CDKL3: variants seen among roughly 807,000 people sequenced by gnomAD.
The protein encoded by CDKL3 is cyclin dependent kinase like 3.
A neutral mutation model predicts 69.3 loss-of-function variants in CDKL3; 65 were observed. The ratio of observed to expected loss-of-function variants is 0.94; its 90% CI spans 0.77 to 1.15. CDKL3 has a LOEUF of 1.15. CDKL3 is among the 50% of genes most tolerant of loss of function. The probability of loss-of-function intolerance (pLI) is 0.00; values close to 1 mark genes in which losing one functional copy is unlikely to be tolerated. For synonymous variants in CDKL3, 202 were observed against 221.6 expected (o/e 0.91, Z 0.79); for missense variants, 652 against 689.2 (o/e 0.95, Z 0.61).
downstream of CDKL3, among the ~76,000 whole-genome samples, chr5:134,297,968 T>G (rs1168988936): frequency 6.9e-6 from 1 of 145,618 alleles, no homozygotes; most frequent in Admixed American, 7.1e-5. Flanking sequence ...AGCCTCACTC[T>G]TATCTCCCAG....
intron 5 of CDKL3, among the ~76,000 whole-genome samples, chr5:134,320,658 G>A (rs936502563): frequency 6.6e-6 from 1 of 151,836 alleles, no homozygotes; most frequent in Non-Finnish European, 1.5e-5. Context: ...GGTGGATCAC[G>A]AGGTCAGGAA....
At chr5:134,371,581 G>A (rs1758418308), upstream of CDKL3, 1 of 1,612,272 alleles carries the variant, frequency 6.2e-7, no homozygotes, top group Non-Finnish European at 8.5e-7. Flanking sequence ...ACTGACCGCG[G>A]GGCAGCTGCG....
At chr5:134,308,818 C>A in intron 7 of CDKL3, 91 bp from the exon 8 acceptor site, 1 of 1,081,750 alleles carries the variant, frequency 9.2e-7, no homozygotes, top group African/African-American at 1.6e-5. Flanking sequence ...AATTAATGTA[C>A]ATTTCAGCTA....
rs376318750 is a variant in CDKL3 at position 134,354,959 on chromosome 5, T to C, written c.361-4532A>G. Among the ~76,000 whole-genome samples the C allele has an allele frequency of 1.0e-4, 13 of 124,698 alleles. No homozygotes were observed. In the East Asian group the frequency reaches 1.2e-3, roughly 11 times the overall value. 81.8% of individuals were successfully genotyped at this position (124,698 alleles called of 152,430 possible). A position where few individuals can be genotyped will look rare whatever the true frequency, so the allele number is the denominator to read the frequency against. ...AGACTCCGTCTCAAAAAAAAAAAAA[T>C]AGATACCACTTCAGGCTGGGCATGA... On this transcript the variant is annotated intron_variant, in intron 3 of 12. Coordinates refer to ENST00000265334, the MANE Select transcript of CDKL3 (RefSeq NM_001113575.2).
chr5:134,365,677 TA>T (rs966685238), intron 2 of CDKL3, among the ~76,000 whole-genome samples: 1 of 152,212 alleles, frequency 6.6e-6, no homozygotes, highest in Non-Finnish European at 1.5e-5. Context: ...CTCCTTAGCC[TA>T]AAAGACTTTA....
At chr5:134,323,246 T>G (rs1038238791) in intron 4 of CDKL3, among the ~76,000 whole-genome samples, 6 of 152,194 alleles carry the variant, frequency 3.9e-5, no homozygotes, top group African/African-American at 9.6e-5. Flanking sequence ...CACACATATG[T>G]AAATTAGCCA....
At chr5:134,283,499 C>A (rs1412245343), downstream of CDKL3, among the ~76,000 whole-genome samples, 4 of 152,102 alleles carry the variant, frequency 2.6e-5, no homozygotes, top group African/African-American at 9.7e-5. Context: ...CTTGTAATAA[C>A]CATCAGATCT....
chr5:134,293,515 C>T (rs1327308538), downstream of CDKL3, among the ~76,000 whole-genome samples: 2 of 152,034 alleles, frequency 1.3e-5, no homozygotes, highest in East Asian at 3.9e-4. Context: ...AATATAGATG[C>T]CAAAATCCTT....
At chr5:134,294,955 G>T (rs910380181), downstream of CDKL3, among the ~76,000 whole-genome samples, 2 of 148,080 alleles carry the variant, frequency 1.4e-5, no homozygotes, top group Non-Finnish European at 3.0e-5. Flanking sequence ...AATTAGAGAA[G>T]ATCTAAATAA....
chr5:134,297,241 C>T (rs1175437162), downstream of CDKL3, among the ~76,000 whole-genome samples: 2 of 151,960 alleles, frequency 1.3e-5, no homozygotes, highest in African/African-American at 2.4e-5. Context: ...CGTGAGCCAC[C>T]GTGCCCAGCA....
chr5:134,342,108 T>C (rs955829896), intron 4 of CDKL3, among the ~76,000 whole-genome samples: 8 of 152,118 alleles, frequency 5.3e-5, no homozygotes, highest in African/African-American at 1.9e-4. Context: ...GGGTATTTAC[T>C]CCAGACAATG....
At chr5:134,363,957 TAAAAA>T (rs1206131261) in intron 2 of CDKL3, among the ~76,000 whole-genome samples, 3 of 96,438 alleles carry the variant, frequency 3.1e-5, no homozygotes, top group South Asian at 6.4e-4. Context: ...CTCCATTTCT[TAAAAA>T]AAAAAAAAAA....
chr5:134,351,596 A>G (rs1045652074), intron 3 of CDKL3, among the ~76,000 whole-genome samples: 1 of 142,494 alleles, frequency 7.0e-6, no homozygotes, highest in Non-Finnish European at 1.6e-5. Context: ...CTGTAGTCCT[A>G]CAGCCTACAG....
intron 7 of CDKL3, among the ~76,000 whole-genome samples, chr5:134,312,013 C>T (rs570459074): frequency 3.3e-5 from 5 of 152,150 alleles, no homozygotes; most frequent in South Asian, 2.1e-4. Context: ...CCAGGCCGGT[C>T]GTGAACTCCA....
intron 4 of CDKL3, among the ~76,000 whole-genome samples, chr5:134,345,542 C>T (rs899376694): frequency 9.9e-5 from 15 of 152,072 alleles, no homozygotes; most frequent in African/African-American, 3.4e-4. Context: ...TAGGTGCAGG[C>T]GGGCTGAGTC....
intron 2 of CDKL3, among the ~76,000 whole-genome samples, chr5:134,365,449 A>G (rs765829078): frequency 1.1e-4 from 16 of 151,886 alleles, no homozygotes; most frequent in Non-Finnish European, 1.8e-4. Flanking sequence ...TTTTTACAAT[A>G]CAGCATGTTC....
At chr5:134,290,228 C>T (rs1765065212) in intron 8 of CDKL3, among the ~76,000 whole-genome samples, 2 of 151,880 alleles carry the variant, frequency 1.3e-5, no homozygotes, top group African/African-American at 4.8e-5. Flanking sequence ...GTGGCACATG[C>T]CTGTAATCCC....
chr5:134,339,460 A>T (rs1181781212), intron 4 of CDKL3, among the ~76,000 whole-genome samples: 1 of 152,214 alleles, frequency 6.6e-6, no homozygotes, highest in Non-Finnish European at 1.5e-5. Flanking sequence ...AAATTTCATA[A>T]TGATAAAGGG....
At chr5:134,343,707 C>T (rs1751108822) in intron 4 of CDKL3, among the ~76,000 whole-genome samples, 1 of 152,104 alleles carries the variant, frequency 6.6e-6, no homozygotes. Context: ...CATGGCCGCC[C>T]CAGACCCAGG....
Sources: allele counts gnomAD v4.1 joint callset (sites outside exome capture counted in the v4.1 genomes callset), GRCh38; gene constraint gnomAD v4.1.1; transcripts MANE v1.5; gene names NCBI Gene and HGNC (gene_info 2026-07-23, HGNC 2026-07-21).